Variants in CSTPP1 observed in about 807,000 individuals in gnomAD.
The protein encoded by CSTPP1 is centriolar satellite-associated tubulin polyglutamylase complex regulator 1, also known as UPF0705 protein C11orf49.
chr11:47,098,645 A>AC, the CSTPP1 span, among the ~76,000 whole-genome samples: 1 of 151,618 alleles, frequency 6.6e-6, no homozygotes, highest in Non-Finnish European at 1.5e-5. Context: ...AGCTGGGATT[A>AC]CAGGTGTCTG....
chr11:47,144,414 T>C, the CSTPP1 span, among the ~76,000 whole-genome samples: 1 of 152,144 alleles, frequency 6.6e-6, no homozygotes, highest in African/African-American at 2.4e-5. Flanking sequence ...GGTCTCGAAC[T>C]CCTGACCTCA....
At chr11:47,155,369 T>G in the CSTPP1 span, 1 of 955,388 alleles carries the variant, frequency 1.0e-6, no homozygotes, top group Non-Finnish European at 1.7e-6. Flanking sequence ...TCTTCCCCAC[T>G]TCCTTTGGGG....
At chr11:47,049,179 G>A in the CSTPP1 span, among the ~76,000 whole-genome samples, 1 of 151,534 alleles carries the variant, frequency 6.6e-6, no homozygotes, top group African/African-American at 2.4e-5. Context: ...TAAAATCAAG[G>A]TTTCACTATG....
the CSTPP1 span, among the ~76,000 whole-genome samples, chr11:47,020,055 C>T: frequency 1.3e-5 from 2 of 152,180 alleles, no homozygotes; most frequent in Non-Finnish European, 2.9e-5. Flanking sequence ...CTGTTTCTCA[C>T]ACCTGAAAGT....
chr11:46,990,449 A>G, the CSTPP1 span, among the ~76,000 whole-genome samples: 1 of 152,158 alleles, frequency 6.6e-6, no homozygotes, highest in Non-Finnish European at 1.5e-5. Context: ...TCTTCTTTTG[A>G]GAAAATGTCT....
At chr11:46,970,152 A>G in the CSTPP1 span, among the ~76,000 whole-genome samples, 102 of 152,226 alleles carry the variant, frequency 6.7e-4, no homozygotes, top group African/African-American at 2.4e-3. Flanking sequence ...TAGGGTGCTG[A>G]TTATAAGTAT....
At chr11:47,112,048 A>G in the CSTPP1 span, among the ~76,000 whole-genome samples, 4 of 151,892 alleles carry the variant, frequency 2.6e-5, 1 homozygote, top group African/African-American at 9.7e-5. Flanking sequence ...CCCAATAGGC[A>G]CACTCCCTCC....
At chr11:47,146,192 C>T in the CSTPP1 span, among the ~76,000 whole-genome samples, 472 of 151,944 alleles carry the variant, frequency 3.1e-3, 1 homozygote, top group Non-Finnish European at 5.5e-3. Context: ...GTGAAACCTC[C>T]TCTCTACTAA....
At chr11:47,071,128 A>G in the CSTPP1 span, among the ~76,000 whole-genome samples, 1 of 152,172 alleles carries the variant, frequency 6.6e-6, no homozygotes, top group Admixed American at 6.5e-5. Flanking sequence ...TTGTCCTATC[A>G]TACCTTATAT....
the CSTPP1 span, among the ~76,000 whole-genome samples, chr11:46,942,421 C>G: frequency 6.6e-6 from 1 of 152,164 alleles, no homozygotes; most frequent in East Asian, 1.9e-4. Context: ...TACGTGCTGA[C>G]CTGAGTATAA....
At chr11:47,144,073 A>G in the CSTPP1 span, among the ~76,000 whole-genome samples, 6 of 152,204 alleles carry the variant, frequency 3.9e-5, no homozygotes, top group East Asian at 1.9e-4. Flanking sequence ...CCCTGTTTTT[A>G]TATCTGTAAA....
the CSTPP1 span, among the ~76,000 whole-genome samples, chr11:47,158,712 T>C: frequency 4.2e-3 from 640 of 152,260 alleles, no homozygotes; most frequent in African/African-American, 0.015. Flanking sequence ...TTTTTGTGTT[T>C]TTTGTACAGA....
chr11:47,122,089 AAAATAT>A, the CSTPP1 span, among the ~76,000 whole-genome samples: 8 of 61,776 alleles, frequency 1.3e-4, no homozygotes, highest in East Asian at 1.2e-3. Context: ...AAAAAAAAAA[AAAATAT>A]ATATATATAT....
chr11:46,941,222 G>A, the CSTPP1 span, among the ~76,000 whole-genome samples: 1 of 152,114 alleles, frequency 6.6e-6, no homozygotes, highest in Non-Finnish European at 1.5e-5. Context: ...GCCTTCTCCT[G>A]GTTCATCAAA....
chr11:47,101,883 T>C, the CSTPP1 span, among the ~76,000 whole-genome samples: 117 of 152,264 alleles, frequency 7.7e-4, no homozygotes, highest in Non-Finnish European at 1.2e-3. Context: ...AGAGTGACCT[T>C]TTTTGACAGA....
chr11:47,038,533 G>C, the CSTPP1 span, among the ~76,000 whole-genome samples: 13 of 100,368 alleles, frequency 1.3e-4, no homozygotes, highest in African/African-American at 2.9e-4. Context: ...GGGCGGCCGG[G>C]CAGAGGCGCC....
chr11:47,147,619 G>C, the CSTPP1 span, among the ~76,000 whole-genome samples: 1 of 152,140 alleles, frequency 6.6e-6, no homozygotes, highest in East Asian at 1.9e-4. Context: ...AGAAGGGAAA[G>C]GGGCAGCAGG....
chr11:47,141,802 G>A, the CSTPP1 span, among the ~76,000 whole-genome samples: 1 of 151,508 alleles, frequency 6.6e-6, no homozygotes, highest in Non-Finnish European at 1.5e-5. Flanking sequence ...GCATGGTGGT[G>A]CACATCTATA....
chr11:47,126,840 G>A, the CSTPP1 span, among the ~76,000 whole-genome samples: 1 of 151,358 alleles, frequency 6.6e-6, no homozygotes, highest in Admixed American at 6.6e-5. Flanking sequence ...GCTGAGGTGG[G>A]GGGGATTGCT....
Sources: allele counts gnomAD v4.1 joint callset (sites outside exome capture counted in the v4.1 genomes callset), GRCh38; gene constraint gnomAD v4.1.1; transcripts MANE v1.5; gene names NCBI Gene and HGNC (gene_info 2026-07-23, HGNC 2026-07-21).